The following GCNT1 variants were observed in gnomAD, a reference collection of about 807,000 sequenced individuals.
GCNT1 encodes the protein glucosaminyl (N-acetyl) transferase 1.
In GCNT1, 16 loss-of-function variants were observed where a neutral mutation model predicts 26.2. That is an observed-to-expected ratio of 0.61 (90% CI 0.41 to 0.93). GCNT1 has a LOEUF of 0.93. Among genes scored for constraint, GCNT1 ranks in the 40% least tolerant of loss-of-function variants. GCNT1 has a pLI of 0.00. For missense variants in GCNT1, 477 were observed against 526.7 expected, an observed-to-expected ratio of 0.91 and a Z score of 0.92; for synonymous variants, 183 against 190.8, an observed-to-expected ratio of 0.96 and a Z score of 0.34.
chr9:76,470,478 G>A lies in GCNT1; in HGVS notation c.-290+10301G>A, dbSNP rs60240057. Among the ~76,000 whole-genome samples, 781 of 151,832 alleles carry A rather than the reference G, an allele frequency of 5.1e-3. 8 individuals are homozygous for A. Among genetic ancestry groups the A allele is most frequent in the African/African-American group, 0.017 (709 of 41,390 alleles). ...AAATTAGCTGGGTGTGGTGGTGTGC[G>A]TCTGTAGTCCCAGCTACTCAGGAGG... On this transcript the variant is annotated intron_variant, in intron 2 of 3. Coordinates refer to ENST00000376730, the MANE Select transcript of GCNT1 (RefSeq NM_001490.5).
chr9:76,434,546 G>T (rs1402820043), intron 1 of GCNT1, among the ~76,000 whole-genome samples: 1 of 152,188 alleles, frequency 6.6e-6, no homozygotes, highest in Non-Finnish European at 1.5e-5. Flanking sequence ...TGTACAAATT[G>T]ATTGTAAAAC....
upstream of GCNT1, among the ~76,000 whole-genome samples, chr9:76,418,063 A>G (rs948909029): frequency 6.6e-6 from 1 of 152,190 alleles, no homozygotes; most frequent in Non-Finnish European, 1.5e-5. Context: ...CATTTTAGGG[A>G]GACATGAGAC....
intron 2 of GCNT1, among the ~76,000 whole-genome samples, chr9:76,499,489 T>G (rs1336004997): frequency 6.6e-6 from 1 of 152,236 alleles, no homozygotes; most frequent in Non-Finnish European, 1.5e-5. Context: ...TGTTGTTTAT[T>G]TGAAGTTGTT....
chr9:76,426,197 T>C (rs4281169), intron 1 of GCNT1, among the ~76,000 whole-genome samples: 117,327 of 152,128 alleles, frequency 0.77, 45,984 homozygotes, highest in Middle Eastern at 0.86. Flanking sequence ...TAGTTCGTCC[T>C]GCGCTCAGGA....
chr9:76,437,401 C>T (rs1186744831), upstream of GCNT1, among the ~76,000 whole-genome samples: 1 of 152,184 alleles, frequency 6.6e-6, no homozygotes, highest in Non-Finnish European at 1.5e-5. Context: ...CTCTGATTAT[C>T]CTTACTGCTA....
chr9:76,447,383 G>A (rs1823594806), intron 1 of GCNT1, among the ~76,000 whole-genome samples: 1 of 151,678 alleles, frequency 6.6e-6, no homozygotes, highest in South Asian at 2.1e-4. Context: ...GGGACCATAG[G>A]TGTGCACCAC....
the GCNT1 span, among the ~76,000 whole-genome samples, chr9:76,408,844 C>T: frequency 1.3e-5 from 2 of 151,942 alleles, no homozygotes; most frequent in Admixed American, 6.6e-5. Context: ...TGTGCCATGA[C>T]ACCCAGCTAA....
chr9:76,440,144 C>G (rs911326168), upstream of GCNT1, among the ~76,000 whole-genome samples: 1 of 151,612 alleles, frequency 6.6e-6, no homozygotes, highest in African/African-American at 2.4e-5. Flanking sequence ...ACTAACAAAC[C>G]TTTTGAGGTA....
chr9:76,428,281 A>C (rs1295154208), intron 1 of GCNT1, among the ~76,000 whole-genome samples: 2 of 143,036 alleles, frequency 1.4e-5, no homozygotes, highest in Non-Finnish European at 3.1e-5. Flanking sequence ...AAAAAAAAAA[A>C]AAAAAAAACT....
chr9:76,470,100 C>CTG (rs984633149), intron 2 of GCNT1, among the ~76,000 whole-genome samples: 5 of 151,850 alleles, frequency 3.3e-5, no homozygotes, highest in Admixed American at 6.6e-5. Flanking sequence ...AGTCCAAGTC[C>CTG]TGTGTGTGTG....
intron 2 of GCNT1, among the ~76,000 whole-genome samples, chr9:76,489,773 C>T (rs1587449217): frequency 6.6e-6 from 1 of 152,160 alleles, no homozygotes; most frequent in East Asian, 1.9e-4. Flanking sequence ...ACCCCAACTG[C>T]TGTTGGGAAT....
chr9:76,417,780 C>T (rs553760794), upstream of GCNT1, among the ~76,000 whole-genome samples: 143 of 152,138 alleles, frequency 9.4e-4, 1 homozygote, highest in Non-Finnish European at 9.3e-4. Flanking sequence ...CCATTAATTT[C>T]TTCAGTAATT....
At chr9:76,491,416 C>A (rs1824734350) in intron 2 of GCNT1, among the ~76,000 whole-genome samples, 1 of 152,112 alleles carries the variant, frequency 6.6e-6, no homozygotes, top group African/African-American at 2.4e-5. Context: ...AATGGGTGTC[C>A]CCCCAGAGGT....
At chr9:76,497,742 T>A (rs908209956) in intron 2 of GCNT1, among the ~76,000 whole-genome samples, 4 of 152,176 alleles carry the variant, frequency 2.6e-5, no homozygotes, top group African/African-American at 9.7e-5. Context: ...TTTAAGATAA[T>A]TCTACTTCTC....
chr9:76,499,164 A>G lies in GCNT1; in HGVS notation c.-289-1752A>G, dbSNP rs10119896. Among the ~76,000 whole-genome samples, 305 of 151,708 alleles carry G rather than the reference A, an allele frequency of 2.0e-3. 1 individual carries two copies. The highest frequency in any genetic ancestry group is 7.1e-3 in the African/African-American group (293 of 41,344). ...TTTTTTTGAGATGGAGTCTTGCTCT[A>G]TTGCCCAGGCTGAAGTGCAGTGGCA... On this transcript the variant is annotated intron_variant, in intron 2 of 3. Coordinates refer to ENST00000376730, the MANE Select transcript of GCNT1 (RefSeq NM_001490.5).
At chr9:76,442,897 A>C (rs959965176) in intron 1 of GCNT1, among the ~76,000 whole-genome samples, 28 of 149,008 alleles carry the variant, frequency 1.9e-4, no homozygotes, top group African/African-American at 6.5e-4. Flanking sequence ...CTAAAGCCAA[A>C]ATGGATTTAA....
chr9:76,464,327 C>T (rs1823948421), intron 2 of GCNT1, among the ~76,000 whole-genome samples: 1 of 152,100 alleles, frequency 6.6e-6, no homozygotes, highest in South Asian at 2.1e-4. Flanking sequence ...GGTGATCCTC[C>T]CACCTCAGCC....
upstream of GCNT1, among the ~76,000 whole-genome samples, chr9:76,456,018 C>A (rs1275989874): frequency 6.6e-6 from 1 of 152,224 alleles, no homozygotes; most frequent in Non-Finnish European, 1.5e-5. Context: ...CACTTTCCCA[C>A]ATCTATAATA....
At chr9:76,445,608 G>C (rs1160102835) in intron 1 of GCNT1, among the ~76,000 whole-genome samples, 1 of 150,820 alleles carries the variant, frequency 6.6e-6, no homozygotes, top group African/African-American at 2.5e-5. Flanking sequence ...GGCCAGGCTG[G>C]TCTCGAACTC....
Sources: gnomAD v4.1 joint callset for allele counts (sites outside exome capture counted in the v4.1 genomes callset) on GRCh38, gnomAD v4.1.1 for gene constraint, MANE v1.5 for transcripts, NCBI Gene and HGNC (gene_info 2026-07-23, HGNC 2026-07-21) for gene names.